Variants in GREB1 observed in about 807,000 individuals in gnomAD.
GREB1 encodes growth regulating estrogen receptor binding 1, also known as protein GREB1.
GREB1 carries 106 observed loss-of-function variants against 200.7 expected under a neutral mutation model. The ratio of observed to expected loss-of-function variants is 0.53; its 90% confidence interval spans 0.45 to 0.62. GREB1 has a LOEUF of 0.62. Ranked by LOEUF, GREB1 falls within the 20% of genes least tolerant of loss-of-function variation. GREB1 has a pLI of 0.00. For synonymous variants in GREB1, 1,132 were observed against 1,092.4 expected (o/e 1.04, Z -0.72); for missense variants, 2,243 against 2,556.8 (o/e 0.88, Z 2.65).
chr2:11,545,146 T>C (rs1445056294), intron 1 of GREB1, among the ~76,000 whole-genome samples: 1 of 151,896 alleles, frequency 6.6e-6, no homozygotes, highest in Non-Finnish European at 1.5e-5. Context: ...GCTAGAAATG[T>C]GTCTTTTTAG....
chr2:11,543,141 A>G (rs756029236), intron 1 of GREB1, among the ~76,000 whole-genome samples: 6 of 152,190 alleles, frequency 3.9e-5, no homozygotes, highest in Non-Finnish European at 7.3e-5. Context: ...AAAGCCCTTC[A>G]AGTTTAGTTG....
At chr2:11,515,694 A>C (rs1673474557) in intron 1 of GREB1, among the ~76,000 whole-genome samples, 1 of 152,230 alleles carries the variant, frequency 6.6e-6, no homozygotes, top group African/African-American at 2.4e-5. Flanking sequence ...AAAAGGGCAG[A>C]GCAGATGTTC....
chr2:11,625,633 G>A (rs986427775), intron 24 of GREB1, among the ~76,000 whole-genome samples: 3 of 152,174 alleles, frequency 2.0e-5, no homozygotes, highest in African/African-American at 4.8e-5. Context: ...TTATCAAAAC[G>A]AGTACACGTG....
Position 11,578,373 on chromosome 2 carries a change from C to A in GREB1, c.714C>A (p.Phe238Leu), listed in dbSNP as rs111337760. 476 of 1,614,050 alleles carry A rather than the reference C, an allele frequency of 2.9e-4. 2 individuals carry two copies. In the African/African-American group the frequency reaches 4.1e-3, roughly 14 times the overall value. Residue 238 changes from phenylalanine (F) to leucine (L), a missense_variant, in exon 6 of 33, where the codon TTC becomes TTA. This residue lies in a region of GREB1 where 1,178 missense variants were observed against 1,387.4 expected (regional missense o/e 0.85). Coordinates refer to ENST00000381486, the MANE Select transcript of GREB1 (RefSeq NM_014668.4). The part of the protein sequence containing the change: ...LFPALESTAA[F>L]PSEPVPGTNP... ...CAGCCCTGGAGAGCACGGCTGCCTT[C>A]CCCAGCGAGCCCGTTCCTGGGACGA...
At position 11,616,675 on chromosome 2, in the gene GREB1, C is replaced by T. The variant is rs182570976; in HGVS notation, c.3367C>T (p.Arg1123Cys). 515 of 1,613,334 alleles carry T rather than the reference C, an allele frequency of 3.2e-4. 2 individuals carry two copies. The African/African-American group carries it at 5.9e-3, about 18-fold the overall frequency. Residue 1123 changes from arginine to cysteine, a missense_variant, in exon 21 of 33, where the codon CGC becomes TGC. Arg to Cys is a radical substitution (Grantham distance 180). Transcript: ENST00000381486. Reference sequence around the variant, plus strand: ...AAGCCCCATGAAAAGGGAGAGGTCCCGCTCCCACGACTCAGCATCCTCATC... The same window carrying T: ...AAGCCCCATGAAAAGGGAGAGGTCCTGCTCCCACGACTCAGCATCCTCATC... ...KRSPMKRERSRSHDSASSSLS... is the reference protein window; with the variant it reads ...KRSPMKRERSCSHDSASSSLS...
At chr2:11,564,685 C>T (rs944852345) in intron 3 of GREB1, among the ~76,000 whole-genome samples, 1 of 152,198 alleles carries the variant, frequency 6.6e-6, no homozygotes, top group Non-Finnish European at 1.5e-5. Flanking sequence ...GTTAGGGGAC[C>T]CCCTGGGGAT....
chr2:11,585,306 G>C, intron 8 of GREB1, 32 bp downstream of exon 8: 1 of 1,361,882 alleles, frequency 7.3e-7, no homozygotes, highest in Non-Finnish European at 1.0e-6. Flanking sequence ...CAGAATTCCA[G>C]ACTTGGGTAC....
chr2:11,499,400 C>T (rs992569920), intron 1 of GREB1, among the ~76,000 whole-genome samples: 13 of 152,230 alleles, frequency 8.5e-5, no homozygotes, highest in Admixed American at 7.9e-4. Context: ...AGGCTGAAAA[C>T]ATCAAAGACA....
chr2:11,565,475 T>C (rs1677533480), intron 3 of GREB1, among the ~76,000 whole-genome samples: 1 of 152,248 alleles, frequency 6.6e-6, no homozygotes, highest in Non-Finnish European at 1.5e-5. Context: ...TCGTCAGGAC[T>C]CCCAGAGAGG....
intron 19 of GREB1, among the ~76,000 whole-genome samples, chr2:11,613,804 T>G (rs1459154206): frequency 2.4e-4 from 37 of 152,218 alleles, no homozygotes; most frequent in Admixed American, 2.0e-3. Flanking sequence ...AACTTACTCC[T>G]TGCTGCAGTA....
intron 23 of GREB1, among the ~76,000 whole-genome samples, chr2:11,624,299 C>T (rs1684251464): frequency 6.6e-6 from 1 of 151,506 alleles, no homozygotes; most frequent in Admixed American, 6.6e-5. Context: ...TTTTTTATAC[C>T]ATATTTCCCC....
upstream of GREB1, among the ~76,000 whole-genome samples, chr2:11,530,221 C>T (rs1462959910): frequency 6.6e-6 from 1 of 151,834 alleles, no homozygotes; most frequent in African/African-American, 2.4e-5. Context: ...GCCACCACAC[C>T]CAGCTAATTT....
intron 9 of GREB1, 60 bp downstream of exon 9, chr2:11,585,965 A>G: frequency 1.3e-6 from 2 of 1,575,568 alleles, no homozygotes; most frequent in Admixed American, 1.7e-5. Flanking sequence ...GGCATGAGAA[A>G]CAGGCAAAAG....
chr2:11,535,696 A>G (rs1674260049), intron 1 of GREB1, among the ~76,000 whole-genome samples: 1 of 152,082 alleles, frequency 6.6e-6, no homozygotes, highest in African/African-American at 2.4e-5. Flanking sequence ...ATTCAAGGGG[A>G]GAGGCTGAGG....
At chr2:11,577,957 G>C (rs1042334390) in intron 5 of GREB1, among the ~76,000 whole-genome samples, 3 of 152,188 alleles carry the variant, frequency 2.0e-5, no homozygotes, top group African/African-American at 7.2e-5. Flanking sequence ...GGAAATAAGG[G>C]TGGAAGATGG....
intron 23 of GREB1, 149 bp from the exon 24 acceptor site, chr2:11,625,005 G>A (rs1684325053): frequency 4.4e-6 from 3 of 678,674 alleles, no homozygotes; most frequent in South Asian, 1.7e-5. Flanking sequence ...GTGTAGGTGT[G>A]TGTAAGTGCA....
rs1163487106 is a variant in GREB1, at chr2:11,640,442, A to G, written c.5838A>G (p.Gly1946=). Residue 1946 remains glycine, a synonymous_variant, in exon 33 of 33, where the codon GGA becomes GGG. Coordinates refer to ENST00000381486, the MANE Select transcript of GREB1 (RefSeq NM_014668.4). The surrounding 1 kb of genome is among the most constrained non-coding windows in gnomAD (Gnocchi z 4.6). Reference sequence around the variant, plus strand: ...ACCGGCCGCTCTTTTTTCTGACGGGACGACACATCTGAGGAAGACAGCGGC... The same window carrying G: ...ACCGGCCGCTCTTTTTTCTGACGGGGCGACACATCTGAGGAAGACAGCGGC... The part of the protein sequence containing the change: ...REDRPLFFLT[G]RHI 2 of 1,609,390 alleles carry G rather than the reference A, an allele frequency of 1.2e-6. No individual in the cohort carries two copies. Among genetic ancestry groups the G allele is most frequent in the East Asian group, 2.2e-5 (1 of 44,616 alleles).
intron 26 of GREB1, among the ~76,000 whole-genome samples, chr2:11,631,362 C>G (rs1029654074): frequency 2.6e-5 from 4 of 152,188 alleles, no homozygotes; most frequent in Non-Finnish European, 5.9e-5. Flanking sequence ...TAAAGACATA[C>G]AAGAATAATG....
intron 1 of GREB1, chr2:11,542,916 A>G (rs1224895777): frequency 1.3e-5 from 2 of 152,398 alleles, no homozygotes; most frequent in Admixed American, 6.5e-5. Flanking sequence ...AAAGCCGCAG[A>G]TGTGTTTATT....
Sources: gnomAD v4.1 joint callset for allele counts (sites outside exome capture counted in the v4.1 genomes callset) on GRCh38, gnomAD v4.1.1 for gene constraint, gnomAD v4.1.1 regional missense constraint, Gnocchi (gnomAD v3.1) non-coding constraint, MANE v1.5 for transcripts, NCBI Gene and HGNC (gene_info 2026-07-23, HGNC 2026-07-21) for gene names.